ZC3H12B: variants seen among roughly 807,000 people sequenced by gnomAD.
The protein encoded by ZC3H12B is probable ribonuclease ZC3H12B.
In ZC3H12B, 7 loss-of-function variants were observed where a neutral mutation model predicts 43.9. The ratio of observed to expected loss-of-function variants is 0.16; its 90% confidence interval spans 0.09 to 0.30. ZC3H12B has a LOEUF of 0.30. Ranked by LOEUF, ZC3H12B falls within the 10% of genes least tolerant of loss-of-function variation. ZC3H12B has a pLI of 1.00. For missense variants in ZC3H12B, 475 were observed against 670.2 expected (o/e 0.71, Z 3.22); for synonymous variants, 222 against 241.7 (o/e 0.92, Z 0.76).
chrX:65,266,699 A>G, the ZC3H12B span, among the ~76,000 whole-genome samples: 1 of 111,551 alleles, frequency 9.0e-6, no homozygotes, highest in Non-Finnish European at 1.9e-5. Context: ...CAGAGGGAGC[A>G]CAACAAACCC....
chrX:65,244,934 A>G, the ZC3H12B span, among the ~76,000 whole-genome samples: 1 of 110,587 alleles, frequency 9.0e-6, no homozygotes. Context: ...TCTTTAGGAT[A>G]GCTATCTTAG....
At chrX:65,202,938 C>T in the ZC3H12B span, among the ~76,000 whole-genome samples, 3 of 111,508 alleles carry the variant, frequency 2.7e-5, no homozygotes, top group South Asian at 7.5e-4. Context: ...TCTACTGTGG[C>T]TGAGCAGGCA....
chrX:65,070,280 G>A, the ZC3H12B span, among the ~76,000 whole-genome samples: 1 of 110,976 alleles, frequency 9.0e-6, no homozygotes, highest in Non-Finnish European at 1.9e-5. Context: ...TGTGAGGTCA[G>A]TGGTAATGTT....
the ZC3H12B span, among the ~76,000 whole-genome samples, chrX:65,309,710 A>T: frequency 3.6e-5 from 4 of 112,210 alleles, no homozygotes; most frequent in Non-Finnish European, 7.5e-5. Context: ...TTGTAGATGA[A>T]TATCCCTGAT....
the ZC3H12B span, among the ~76,000 whole-genome samples, chrX:65,055,056 T>C: frequency 9.0e-6 from 1 of 111,490 alleles, no homozygotes; most frequent in Non-Finnish European, 1.9e-5. Flanking sequence ...CTTCCTCTTT[T>C]CCTAATTGAA....
At chrX:65,199,039 A>C in the ZC3H12B span, among the ~76,000 whole-genome samples, 1 of 109,950 alleles carries the variant, frequency 9.1e-6, no homozygotes, top group East Asian at 2.8e-4. Context: ...CATGTTGACC[A>C]GGCTGGTCTC....
chrX:65,282,589 G>GA, the ZC3H12B span, among the ~76,000 whole-genome samples: 6 of 110,515 alleles, frequency 5.4e-5, no homozygotes, highest in South Asian at 1.5e-3. Context: ...GACTAATAAA[G>GA]AAAAAAAGAG....
chrX:65,341,908 G>T, the ZC3H12B span, among the ~76,000 whole-genome samples: 1 of 110,929 alleles, frequency 9.0e-6, no homozygotes, highest in Non-Finnish European at 1.9e-5. Flanking sequence ...CAATTAAATG[G>T]CACAGAGTGG....
chrX:65,206,676 T>C, the ZC3H12B span, among the ~76,000 whole-genome samples: 1 of 111,240 alleles, frequency 9.0e-6, no homozygotes, highest in Non-Finnish European at 1.9e-5. Flanking sequence ...TTAATTAAAC[T>C]AAAAAGCTTC....
chrX:65,172,777 G>T, the ZC3H12B span, among the ~76,000 whole-genome samples: 1 of 111,563 alleles, frequency 9.0e-6, no homozygotes, highest in Non-Finnish European at 1.9e-5. Context: ...CTGTTCCATT[G>T]TTCTATATAA....
chrX:65,313,700 G>GT, the ZC3H12B span, among the ~76,000 whole-genome samples: 45 of 112,174 alleles, frequency 4.0e-4, no homozygotes, highest in African/African-American at 1.2e-3. Flanking sequence ...CACAAATTAA[G>GT]TTTTTTTCCG....
At chrX:65,220,286 A>C in the ZC3H12B span, among the ~76,000 whole-genome samples, 4 of 111,738 alleles carry the variant, frequency 3.6e-5, no homozygotes, top group African/African-American at 9.8e-5. Context: ...TAAAACAACT[A>C]CACAATGAAA....
At chrX:65,463,638 C>G (rs992772797) in intron 3 of ZC3H12B, among the ~76,000 whole-genome samples, 1 of 110,993 alleles carries the variant, frequency 9.0e-6, no homozygotes, top group African/African-American at 3.3e-5. Context: ...GTTGGCATTC[C>G]TAAGCTTGTA....
At chrX:65,273,454 G>A in the ZC3H12B span, among the ~76,000 whole-genome samples, 2 of 110,973 alleles carry the variant, frequency 1.8e-5, no homozygotes, top group East Asian at 5.6e-4. Flanking sequence ...GGGACTTGTG[G>A]CACATGATCA....
chrX:65,455,032 C>G (rs1037310376), intron 3 of ZC3H12B, among the ~76,000 whole-genome samples: 1 of 112,080 alleles, frequency 8.9e-6, no homozygotes, highest in African/African-American at 3.2e-5. Context: ...GGGGAAAAAA[C>G]AGAGCAGAAA....
At chrX:65,347,086 A>G in the ZC3H12B span, among the ~76,000 whole-genome samples, 1 of 112,191 alleles carries the variant, frequency 8.9e-6, no homozygotes, top group African/African-American at 3.2e-5. Context: ...CCCCTCTGGG[A>G]CGTAGCTTCC....
chrX:65,151,964 G>C, the ZC3H12B span, among the ~76,000 whole-genome samples: 14 of 111,680 alleles, frequency 1.3e-4, no homozygotes, highest in Non-Finnish European at 1.3e-4. Flanking sequence ...CATATAAACA[G>C]AACCAATGAC....
the ZC3H12B span, among the ~76,000 whole-genome samples, chrX:65,144,544 C>A: frequency 9.0e-6 from 1 of 111,174 alleles, no homozygotes; most frequent in Admixed American, 9.6e-5. Context: ...TTCTCTAGTT[C>A]CTTGAGGTGT....
chrX:65,303,388 A>G, the ZC3H12B span, among the ~76,000 whole-genome samples: 1 of 112,204 alleles, frequency 8.9e-6, no homozygotes, highest in Non-Finnish European at 1.9e-5. Flanking sequence ...AATATAGTTT[A>G]ACATTTGAAA....
Sources: gnomAD v4.1 joint callset for allele counts (sites outside exome capture counted in the v4.1 genomes callset) on GRCh38, gnomAD v4.1.1 for gene constraint, MANE v1.5 for transcripts, NCBI Gene and HGNC (gene_info 2026-07-23, HGNC 2026-07-21) for gene names.